EML6: variants seen among roughly 807,000 people sequenced by gnomAD.
The protein encoded by EML6 is echinoderm microtubule-associated protein-like 6.
In EML6, 154 loss-of-function variants were observed where a neutral mutation model predicts 240.1. The observed-to-expected ratio is 0.64, with a 90% confidence interval of 0.56 to 0.73. The LOEUF (loss-of-function observed/expected upper bound fraction) is 0.73, where lower values mean the gene tolerates loss of function less well. Ranked by LOEUF, EML6 falls within the 30% of genes least tolerant of loss-of-function variation. EML6 has a pLI of 0.00. For synonymous variants in EML6, 1,148 were observed against 899.0 expected, an observed-to-expected ratio of 1.28 and a Z score of -4.95; for missense variants, 2,964 against 2,474.6, an observed-to-expected ratio of 1.20 and a Z score of -4.20.
At chr2:54,919,410 G>A (rs899621408) in intron 26 of EML6, among the ~76,000 whole-genome samples, 2 of 152,042 alleles carry the variant, frequency 1.3e-5, no homozygotes, top group African/African-American at 2.4e-5. Context: ...GGCCACTTTG[G>A]TTACTTTGGA....
chr2:54,790,184 G>T (rs1223490833), intron 2 of EML6, among the ~76,000 whole-genome samples: 1 of 152,112 alleles, frequency 6.6e-6, no homozygotes. Flanking sequence ...TGAATAGTGG[G>T]CACTTATTTC....
chr2:54,955,317 A>G (rs1676181149), intron 32 of EML6, among the ~76,000 whole-genome samples: 2 of 152,142 alleles, frequency 1.3e-5, no homozygotes, highest in Non-Finnish European at 2.9e-5. Flanking sequence ...GGGAAGAACT[A>G]GAGAAGACTT....
At chr2:54,776,357 G>T (rs987604647) in intron 2 of EML6, among the ~76,000 whole-genome samples, 9 of 152,088 alleles carry the variant, frequency 5.9e-5, no homozygotes. Context: ...CGGTACCTTC[G>T]TGTTGGGTAG....
At chr2:54,790,517 C>T (rs1185255626) in intron 2 of EML6, among the ~76,000 whole-genome samples, 1 of 152,120 alleles carries the variant, frequency 6.6e-6, no homozygotes, top group African/African-American at 2.4e-5. Flanking sequence ...ATTGTCACCA[C>T]CCATTTCACG....
At chr2:54,864,687 G>C (rs749061453) in intron 13 of EML6, among the ~76,000 whole-genome samples, 34 of 152,220 alleles carry the variant, frequency 2.2e-4, no homozygotes, top group Non-Finnish European at 2.9e-5. Flanking sequence ...GCCTATGGCA[G>C]CTACCATGTG....
intron 7 of EML6, among the ~76,000 whole-genome samples, chr2:54,839,716 T>C (rs908143337): frequency 3.9e-5 from 6 of 152,190 alleles, no homozygotes; most frequent in South Asian, 4.1e-4. Context: ...TCCCGCCTCT[T>C]GCTGTCCTAT....
At position 54,775,624 on chromosome 2, in the gene EML6, A is replaced by G. The variant is rs773137131; in HGVS notation, c.198-37608A>G. 1.8e-4 allele frequency among the ~76,000 whole-genome samples: 27 copies of G among 152,178 alleles called. 1 individual carries two copies. The highest frequency in any genetic ancestry group is 4.6e-4 in the Admixed American group (7 of 15,284). Reference sequence around the variant, plus strand: ...GTATTTAATGTTTATTGTTCATTGTATGACCAGACTACAGGATCTAAGAGA... The same window carrying G: ...GTATTTAATGTTTATTGTTCATTGTGTGACCAGACTACAGGATCTAAGAGA... On this transcript the variant is annotated intron_variant, in intron 2 of 41. Coordinates refer to ENST00000356458, the MANE Select transcript of EML6 (RefSeq NM_001039753.4).
intron 2 of EML6, 60 bp from the exon 3 acceptor site, chr2:54,813,171 TA>T: frequency 1.7e-6 from 2 of 1,210,190 alleles, no homozygotes; most frequent in Non-Finnish European, 2.3e-6. Context: ...CAGATTTGGA[TA>T]AAAGGTGATC....
At chr2:54,846,597 C>CCT (rs1669768897) in intron 8 of EML6, among the ~76,000 whole-genome samples, 4 of 151,582 alleles carry the variant, frequency 2.6e-5, no homozygotes, top group African/African-American at 9.7e-5. Flanking sequence ...TATCCTCCTA[C>CCT]CTCAGCCTCC....
At chr2:54,964,437 G>A (rs1333434230) in intron 37 of EML6, 134 bp from the exon 38 acceptor site, 5 of 814,112 alleles carry the variant, frequency 6.1e-6, no homozygotes, top group Non-Finnish European at 9.6e-6. Flanking sequence ...GCCAGGAGAG[G>A]CTGACCACAT....
chr2:54,926,172 G>A (rs1053121791), intron 26 of EML6, among the ~76,000 whole-genome samples: 1 of 152,168 alleles, frequency 6.6e-6, no homozygotes. Context: ...TGTGATCTTG[G>A]CTGACAGCAA....
In EML6 at chr2:54,754,864, C is replaced by G. The variant is rs140248648; in HGVS notation, c.197+29606C>G. Reference sequence around the variant, plus strand: ...TATGTTTGTACTGTCCAGTGGTAGCCCACTAGTCACATTTGGCTACTGGCC... The same window carrying G: ...TATGTTTGTACTGTCCAGTGGTAGCGCACTAGTCACATTTGGCTACTGGCC... On this transcript the variant is annotated intron_variant, in intron 2 of 41. Transcript: ENST00000356458. Among the ~76,000 whole-genome samples, 106 of 152,188 alleles carry G rather than the reference C, an allele frequency of 7.0e-4. 3 individuals carry two copies. The East Asian group carries it at 0.018, about 25-fold the overall frequency.
Position 54,916,267 on chromosome 2 carries a change from A to T in EML6, c.3499-492A>T, listed in dbSNP as rs112113404. On this transcript the variant is annotated intron_variant, in intron 25 of 41. Transcript: ENST00000356458. ...GATCAGCCTAGGTCAGTGATTCTCA[A>T]CTGAGAGCAATTTTGTTTCCCAGGA... Among the ~76,000 whole-genome samples the T allele has an allele frequency of 2.8e-3, 428 of 152,316 alleles. 3 individuals carry two copies. Among genetic ancestry groups the T allele is most frequent in the African/African-American group, 9.5e-3 (395 of 41,556 alleles).
chr2:54,847,002 G>T (rs1669797923), intron 8 of EML6, among the ~76,000 whole-genome samples: 1 of 149,556 alleles, frequency 6.7e-6, no homozygotes, highest in African/African-American at 2.4e-5. Context: ...TGAACTCCTG[G>T]GCTTAAGTGA....
Position 54,968,704 on chromosome 2 carries a change from G to C in EML6, c.5788G>C (p.Val1930Leu). ...GCGATACTTCGGTCACTCGGCTCAC[G>C]TGACGAACATCCGTTTCTCTTATGA... ...HKRYFGHSAHVTNIRFSYDDK... is the reference protein window; with the variant it reads ...HKRYFGHSAHLTNIRFSYDDK... The change falls in exon 41 of 42, where the codon GTG becomes CTG. Residue 1930 changes from valine to leucine, a missense_variant. Transcript: ENST00000356458. 1 of 1,551,426 alleles carries C rather than the reference G, an allele frequency of 6.4e-7. No homozygotes were observed. The highest frequency in any genetic ancestry group is 8.7e-7 in the Non-Finnish European group (1 of 1,146,692).
chr2:54,832,672 G>C (rs1448063986), intron 7 of EML6, among the ~76,000 whole-genome samples: 2 of 152,194 alleles, frequency 1.3e-5, no homozygotes, highest in Non-Finnish European at 2.9e-5. Flanking sequence ...TAAAAGGGAA[G>C]GAAAGAGGGT....
intron 35 of EML6, 23 bp from the exon 36 acceptor site, chr2:54,962,500 T>G: frequency 6.6e-7 from 1 of 1,519,808 alleles, no homozygotes; most frequent in Non-Finnish European, 8.9e-7. Context: ...GTCCTTTTTC[T>G]AATAGTGTTT....
chr2:54,773,578 G>A (rs1297671538), intron 2 of EML6, among the ~76,000 whole-genome samples: 2 of 152,184 alleles, frequency 1.3e-5, no homozygotes, highest in African/African-American at 4.8e-5. Flanking sequence ...TGAAGTATTG[G>A]TTTCTGACAT....
At chr2:54,968,829 T>A in intron 41 of EML6, 61 bp downstream of exon 41, 1 of 908,826 alleles carries the variant, frequency 1.1e-6, no homozygotes, top group Non-Finnish European at 1.8e-6. Flanking sequence ...CCTCCCCATC[T>A]CAGGCATCCC....
Sources: allele counts gnomAD v4.1 joint callset (sites outside exome capture counted in the v4.1 genomes callset), GRCh38; gene constraint gnomAD v4.1.1; transcripts MANE v1.5; gene names NCBI Gene and HGNC (gene_info 2026-07-23, HGNC 2026-07-21).